The following PHF21A variants were observed in gnomAD, a reference collection of about 807,000 sequenced individuals.
PHF21A encodes PHD finger protein 21A.
PHF21A carries 11 observed loss-of-function variants against 82.5 expected under a neutral mutation model. That is an observed-to-expected ratio of 0.13 (90% confidence interval 0.08 to 0.22). PHF21A has a LOEUF of 0.22. PHF21A is among the 10% of genes least tolerant of loss of function. The pLI, the probability that PHF21A is intolerant of heterozygous loss-of-function variation, is 1.00. For synonymous variants in PHF21A, 297 were observed against 302.8 expected (o/e 0.98, Z 0.20); for missense variants, 579 against 837.8 (o/e 0.69, Z 3.81).
chr11:46,036,621 T>C (rs2096009664), intron 6 of PHF21A, among the ~76,000 whole-genome samples: 1 of 152,234 alleles, frequency 6.6e-6, no homozygotes, highest in Admixed American at 6.5e-5. Context: ...ATACATTTCT[T>C]GTGAAGTTCA....
At chr11:46,119,744 G>GAA (rs60856235) in intron 1 of PHF21A, 11,713 of 139,824 alleles carry the variant, frequency 0.084, 706 homozygotes, top group Non-Finnish European at 0.13. Context: ...GTGGTCAGGG[G>GAA]AAAAAAAAAA....
At chr11:46,071,149 C>T (rs1412968509) in intron 6 of PHF21A, among the ~76,000 whole-genome samples, 1 of 152,190 alleles carries the variant, frequency 6.6e-6, no homozygotes, top group Non-Finnish European at 1.5e-5. Flanking sequence ...GGCCATGTGG[C>T]TTCTTTTGGC....
At chr11:45,965,199 C>A in intron 10 of PHF21A, 116 bp downstream of exon 10, 1 of 817,280 alleles carries the variant, frequency 1.2e-6, no homozygotes, top group Non-Finnish European at 1.9e-6. Context: ...CGACAGCTTA[C>A]TGACAATGGT....
At chr11:45,968,389 C>T (rs1296797618) in intron 9 of PHF21A, among the ~76,000 whole-genome samples, 1 of 152,204 alleles carries the variant, frequency 6.6e-6, no homozygotes, top group Non-Finnish European at 1.5e-5. Flanking sequence ...CCAACCTCAA[C>T]TCTAACTAAC....
intron 7 of PHF21A, among the ~76,000 whole-genome samples, chr11:45,971,918 TGGAGAGAA>T (rs1336080180): frequency 1.4e-5 from 2 of 146,052 alleles, no homozygotes; most frequent in African/African-American, 5.2e-5. Context: ...GGTGTCACCC[TGGAGAGAA>T]GGAAGGGAAA....
intron 6 of PHF21A, among the ~76,000 whole-genome samples, chr11:46,053,681 G>A (rs1466633599): frequency 6.6e-6 from 1 of 152,062 alleles, no homozygotes; most frequent in Non-Finnish European, 1.5e-5. Flanking sequence ...AAATATTCCA[G>A]ATAGATGAGT....
intron 9 of PHF21A, among the ~76,000 whole-genome samples, chr11:45,968,931 CAAAAAAA>C (rs59583388): frequency 2.6e-4 from 22 of 85,672 alleles, no homozygotes; most frequent in Admixed American, 5.5e-4. Flanking sequence ...AACTCCATTG[CAAAAAAA>C]AAAAAAAAAA....
At chr11:46,014,184 T>C (rs942258671) in intron 6 of PHF21A, among the ~76,000 whole-genome samples, 1 of 152,020 alleles carries the variant, frequency 6.6e-6, no homozygotes, top group African/African-American at 2.4e-5. Context: ...ACTTGTGGAG[T>C]CCCTAGTGTT....
chr11:45,959,816 C>A (rs1219416447), intron 10 of PHF21A, among the ~76,000 whole-genome samples: 11 of 152,014 alleles, frequency 7.2e-5, no homozygotes, highest in Non-Finnish European at 1.5e-4. Flanking sequence ...GGTCTAGTAT[C>A]CAGATTATAT....
At chr11:45,946,406 C>T (rs778304203) in intron 14 of PHF21A, among the ~76,000 whole-genome samples, 6 of 152,164 alleles carry the variant, frequency 3.9e-5, no homozygotes, top group South Asian at 4.1e-4. Flanking sequence ...TTTTTTGAGA[C>T]GGAATCTCGC....
chr11:46,021,622 G>A (rs1228460415), intron 6 of PHF21A, among the ~76,000 whole-genome samples: 1 of 151,906 alleles, frequency 6.6e-6, no homozygotes, highest in African/African-American at 2.4e-5. Flanking sequence ...ATAGCTCACT[G>A]CCTTGAACTC....
chr11:46,047,858 A>G (rs2096279305), intron 6 of PHF21A, among the ~76,000 whole-genome samples: 1 of 152,230 alleles, frequency 6.6e-6, no homozygotes, highest in African/African-American at 2.4e-5. Flanking sequence ...CAAATAAGTT[A>G]TTACCATTAT....
rs551674537 is a variant in PHF21A at position 46,112,017 on chromosome 11, C to T, written c.-237+8918G>A. On this transcript the variant is annotated intron_variant, in intron 1 of 18. Transcript: ENST00000676320. ...AGTTTGGATATTCTAACAGTGCAAA[C>T]ATTGTAAACAATAAATTTTCATTAC... Among the ~76,000 whole-genome samples, 9 of 152,330 alleles carry T rather than the reference C, an allele frequency of 5.9e-5. No homozygotes were observed. In the South Asian group the frequency reaches 1.7e-3, roughly 28 times the overall value.
At chr11:46,110,023 G>A (rs2097194608) in intron 1 of PHF21A, among the ~76,000 whole-genome samples, 1 of 151,438 alleles carries the variant, frequency 6.6e-6, no homozygotes, top group South Asian at 2.1e-4. Flanking sequence ...GAGCAGGGTG[G>A]ATCACTAATT....
chr11:46,035,027 A>T (rs2095964444), intron 6 of PHF21A, among the ~76,000 whole-genome samples: 1 of 152,228 alleles, frequency 6.6e-6, no homozygotes, highest in Non-Finnish European at 1.5e-5. Flanking sequence ...AAGAGTAACT[A>T]GTCTATGAGG....
intron 1 of PHF21A, among the ~76,000 whole-genome samples, chr11:46,097,680 A>T (rs2097020726): frequency 1.3e-5 from 2 of 152,328 alleles, no homozygotes; most frequent in South Asian, 4.1e-4. Context: ...TCACTGATTA[A>T]CAGAGATCTG....
Position 45,965,582 on chromosome 11 carries a change from A to G in PHF21A, c.729T>C (p.Asn243=). Reference sequence around the variant, plus strand: ...GTGGTGCTGGGGCAATAGGAATGTTATTCTGGGCCACAGGCTTGGGTCGAA... The same window carrying G: ...GTGGTGCTGGGGCAATAGGAATGTTGTTCTGGGCCACAGGCTTGGGTCGAA... ...PQVRPKPVAQ[N]NIPIAPAPPP... is the part of the protein sequence containing the mutation. The change falls in exon 10 of 19, where the codon AAT becomes AAC. Residue 243 remains asparagine (N), a synonymous_variant. Transcript: ENST00000676320. 1 of 1,565,888 alleles carries G rather than the reference A, an allele frequency of 6.4e-7. No homozygotes were observed. Among genetic ancestry groups the G allele is most frequent in the Non-Finnish European group, 8.7e-7 (1 of 1,153,784 alleles).
At chr11:45,983,506 T>A (rs2946006) in intron 6 of PHF21A, among the ~76,000 whole-genome samples, 126,779 of 151,250 alleles carry the variant, frequency 0.84, 54,104 homozygotes, top group East Asian at 1. Context: ...AAAAAAAAAA[T>A]TTTTAAATCA....
chr11:45,938,368 T>C (rs2089604379), intron 15 of PHF21A, 56 bp from the exon 16 acceptor site: 6 of 1,423,146 alleles, frequency 4.2e-6, no homozygotes, highest in Non-Finnish European at 4.9e-6. Context: ...AATTTTAATG[T>C]TAACATGCAC....
Sources: allele counts gnomAD v4.1 joint callset (sites outside exome capture counted in the v4.1 genomes callset), GRCh38; gene constraint gnomAD v4.1.1; transcripts MANE v1.5; gene names NCBI Gene and HGNC (gene_info 2026-07-23, HGNC 2026-07-21).